JARID2: variants seen among roughly 807,000 people sequenced by gnomAD.
JARID2 encodes the protein protein Jumonji.
In JARID2, 21 loss-of-function variants were observed where a neutral mutation model predicts 125.6. The ratio of observed to expected loss-of-function variants is 0.17; its 90% CI spans 0.12 to 0.24. The LOEUF (loss-of-function observed/expected upper bound fraction) is 0.24. JARID2 is among the 10% of genes least tolerant of loss of function. JARID2 has a pLI of 1.00. For synonymous variants in JARID2, 736 were observed against 661.6 expected (o/e 1.11, Z -1.73); for missense variants, 1,303 against 1,639.6 (o/e 0.79, Z 3.55).
At chr6:15,396,404 A>G (rs1404677428) in intron 2 of JARID2, among the ~76,000 whole-genome samples, 1 of 152,220 alleles carries the variant, frequency 6.6e-6, no homozygotes, top group African/African-American at 2.4e-5. Context: ...ATCATTCTTA[A>G]TCATAGCTAT....
intron 3 of JARID2, among the ~76,000 whole-genome samples, chr6:15,441,697 C>T (rs11963285): frequency 0.031 from 4,704 of 152,208 alleles, 237 homozygotes; most frequent in African/African-American, 0.11. Context: ...TCACCTACCG[C>T]ACAACTCCAT....
intron 1 of JARID2, among the ~76,000 whole-genome samples, chr6:15,363,628 G>C (rs1763874245): frequency 6.6e-6 from 1 of 152,204 alleles, no homozygotes; most frequent in African/African-American, 2.4e-5. Context: ...AATGTGATCT[G>C]TACTACTTCA....
intron 1 of JARID2, among the ~76,000 whole-genome samples, chr6:15,333,186 C>T (rs1184902161): frequency 2.0e-5 from 3 of 152,096 alleles, no homozygotes; most frequent in Non-Finnish European, 4.4e-5. Flanking sequence ...CCCGCCTCGG[C>T]CTCCCAAAGT....
rs534340518 is a variant in JARID2, at chr6:15,513,326, G to A, written c.3354G>A (p.Thr1118=). 22 of 1,612,174 alleles carry A rather than the reference G, an allele frequency of 1.4e-5. No individual in the cohort carries two copies. In the Admixed American group the frequency reaches 1.7e-4, roughly 12 times the overall value. ...ARYGSHDGSS[T]VADGKKKPRK... is the part of the protein sequence containing the mutation. ...ATGGCAGCCACGATGGCAGCAGCAC[G>A]GTGGCGGACGGGAAGAAAAAGCCTC... The change falls in exon 16 of 18, where the codon ACG becomes ACA. Residue 1118 remains threonine, a synonymous_variant. Coordinates refer to ENST00000341776, the MANE Select transcript of JARID2 (RefSeq NM_004973.4).
At chr6:15,421,723 T>G (rs911441365) in intron 3 of JARID2, among the ~76,000 whole-genome samples, 2 of 152,218 alleles carry the variant, frequency 1.3e-5, no homozygotes, top group Admixed American at 6.5e-5. Flanking sequence ...TTCACATCTA[T>G]AATGCCTGGA....
intron 1 of JARID2, among the ~76,000 whole-genome samples, chr6:15,306,929 T>A (rs1293921467): frequency 6.8e-6 from 1 of 148,142 alleles, no homozygotes; most frequent in African/African-American, 2.4e-5. Context: ...TAATGTATAT[T>A]ATATATATAT....
chr6:15,344,224 A>T (rs1356483532), intron 1 of JARID2, among the ~76,000 whole-genome samples: 2 of 142,348 alleles, frequency 1.4e-5, no homozygotes, highest in Non-Finnish European at 3.0e-5. Flanking sequence ...GGAGATGTTT[A>T]CTAATTCTGT....
chr6:15,264,343 T>C (rs1759998291), intron 1 of JARID2, among the ~76,000 whole-genome samples: 1 of 152,208 alleles, frequency 6.6e-6, no homozygotes, highest in Admixed American at 6.5e-5. Context: ...TCTTTACTGA[T>C]GGTATTAATC....
intron 3 of JARID2, among the ~76,000 whole-genome samples, chr6:15,439,005 C>T (rs1302208024): frequency 9.5e-5 from 14 of 147,000 alleles, no homozygotes; most frequent in Non-Finnish European, 1.9e-4. Context: ...GCACTCCAGC[C>T]TGGGTGACAG....
chr6:15,410,259 C>T lies in JARID2; in HGVS notation c.217C>T (p.Pro73Ser). The T allele has an allele frequency of 6.2e-7, 1 of 1,614,064 alleles. No homozygotes were observed. The change falls in exon 3 of 18, where the codon CCA (proline) becomes TCA (serine). Residue 73 changes from proline (P) to serine (S), a missense_variant. Coordinates refer to ENST00000341776, the MANE Select transcript of JARID2 (RefSeq NM_004973.4). Reference sequence around the variant, plus strand: ...TAATGACCAGTCTAAGGGATTAGGACCAGCATCAGAACAGTCAGAGAATGA... The same window carrying T: ...TAATGACCAGTCTAAGGGATTAGGATCAGCATCAGAACAGTCAGAGAATGA... ...LGNDQSKGLG[P>S]ASEQSENEKD...
intron 2 of JARID2, among the ~76,000 whole-genome samples, chr6:15,382,302 T>C (rs1764621641): frequency 6.6e-6 from 1 of 152,176 alleles, no homozygotes; most frequent in South Asian, 2.1e-4. Flanking sequence ...TATGGGTGAG[T>C]GCAGGAGGCT....
At chr6:15,299,150 G>A (rs6459405) in intron 1 of JARID2, among the ~76,000 whole-genome samples, 3,563 of 152,146 alleles carry the variant, frequency 0.023, 151 homozygotes, top group African/African-American at 0.081. Flanking sequence ...TCACTGACCC[G>A]TGAGCCTTAA....
At chr6:15,493,377 A>C (rs1190172215) in intron 6 of JARID2, among the ~76,000 whole-genome samples, 1 of 152,208 alleles carries the variant, frequency 6.6e-6, no homozygotes, top group Non-Finnish European at 1.5e-5. Flanking sequence ...GAAAACACTG[A>C]ACTAAACCTC....
At chr6:15,328,249 C>G (rs542117849) in intron 1 of JARID2, among the ~76,000 whole-genome samples, 1 of 152,212 alleles carries the variant, frequency 6.6e-6, no homozygotes, top group Admixed American at 6.5e-5. Context: ...ATTCAGGTAG[C>G]GATAGAGCTT....
At chr6:15,444,222 G>A (rs924226828) in intron 3 of JARID2, among the ~76,000 whole-genome samples, 1 of 152,142 alleles carries the variant, frequency 6.6e-6, no homozygotes, top group Non-Finnish European at 1.5e-5. Context: ...TCCCATTCTG[G>A]TAAATCAAAC....
At chr6:15,363,295 C>T (rs1352352206) in intron 1 of JARID2, among the ~76,000 whole-genome samples, 1 of 152,206 alleles carries the variant, frequency 6.6e-6, no homozygotes, top group Non-Finnish European at 1.5e-5. Flanking sequence ...AATCCCTGAA[C>T]CAGCAGCATT....
intron 1 of JARID2, among the ~76,000 whole-genome samples, chr6:15,347,560 A>G (rs957252908): frequency 6.6e-6 from 1 of 152,166 alleles, no homozygotes; most frequent in African/African-American, 2.4e-5. Context: ...CTAATGTATT[A>G]TTGTTGAGCT....
At chr6:15,479,935 A>G (rs1769530081) in intron 5 of JARID2, among the ~76,000 whole-genome samples, 1 of 152,214 alleles carries the variant, frequency 6.6e-6, no homozygotes, top group South Asian at 2.1e-4. Context: ...CATTGTTTTC[A>G]GACAATAGTG....
At position 15,500,985 on chromosome 6, in the gene JARID2, A is replaced by G; in HGVS notation, c.2024A>G (p.Lys675Arg). 2 of 1,614,148 alleles carry G rather than the reference A, an allele frequency of 1.2e-6. No individual in the cohort carries two copies. Among genetic ancestry groups the G allele is most frequent in the Non-Finnish European group, 1.7e-6 (2 of 1,179,984 alleles). The stretch of plus-strand genomic sequence containing the variant: ...GGCATGCAGCAAGTGACTGACCTCA[A>G]AAAATGGAACAAACTAGCAGACATG... ...MGGMQQVTDL[K>R]KWNKLADMLR... The change falls in exon 8 of 18, where the codon AAA becomes AGA. Residue 675 changes from lysine to arginine, a missense_variant. Transcript: ENST00000341776.
Sources: gnomAD v4.1 joint callset for allele counts (sites outside exome capture counted in the v4.1 genomes callset) on GRCh38, gnomAD v4.1.1 for gene constraint, MANE v1.5 for transcripts, NCBI Gene and HGNC (gene_info 2026-07-23, HGNC 2026-07-21) for gene names.